Variants in TRAF3IP1 observed in about 807,000 individuals in gnomAD.
TRAF3IP1 encodes the protein intraflagellar transport 54.
In TRAF3IP1, 53 loss-of-function variants were observed where a neutral mutation model predicts 89.9. The observed-to-expected ratio is 0.59, with a 90% CI of 0.47 to 0.74. The LOEUF (loss-of-function observed/expected upper bound fraction) is 0.74. TRAF3IP1 is among the 30% of genes least tolerant of loss of function. The pLI, the probability that TRAF3IP1 is intolerant of heterozygous loss-of-function variation, is 0.00. For synonymous variants in TRAF3IP1, 311 were observed against 322.1 expected (o/e 0.97, Z 0.37); for missense variants, 806 against 866.1 (o/e 0.93, Z 0.87).
chr2:238,357,835 G>C (rs557643934), intron 15 of TRAF3IP1, among the ~76,000 whole-genome samples: 1 of 152,106 alleles, frequency 6.6e-6, no homozygotes. Context: ...TGATTTTTAC[G>C]CAAAGCATAT....
In TRAF3IP1 at chr2:238,398,839, GC is replaced by G; in HGVS notation, c.1997del (p.Ala666ValfsTer2). On this transcript the variant is annotated frameshift_variant, in exon 17 of 17. Coordinates refer to ENST00000373327, the MANE Select transcript of TRAF3IP1 (RefSeq NM_015650.4). LOFTEE classifies it high-confidence loss of function. ...LIKDQQDKIC[A>X]VKANILKNEE... ...CAAAGACCAGCAAGACAAGATCTGT[GC>G]TGTGAAGGCCAACATCCTCAAGAAT... is the stretch of plus-strand genomic sequence containing the variant. 6.2e-7 allele frequency: 1 copy of G among 1,613,656 alleles called. No individual in the cohort carries two copies. The highest frequency in any genetic ancestry group is 1.1e-5 in the South Asian group (1 of 91,012).
intron 6 of TRAF3IP1, among the ~76,000 whole-genome samples, chr2:238,333,393 A>G (rs1698223424): frequency 6.6e-6 from 1 of 152,132 alleles, no homozygotes; most frequent in Non-Finnish European, 1.5e-5. Flanking sequence ...AGTAGGGGCC[A>G]CTGAGAGGTT....
intron 8 of TRAF3IP1, among the ~76,000 whole-genome samples, chr2:238,340,755 C>T (rs528315009): frequency 1.3e-5 from 2 of 150,538 alleles, no homozygotes; most frequent in African/African-American, 2.5e-5. Flanking sequence ...TGCCCATATA[C>T]CTCTCACCCA....
chr2:238,363,465 A>C (rs990938763), intron 15 of TRAF3IP1, among the ~76,000 whole-genome samples: 1 of 152,206 alleles, frequency 6.6e-6, no homozygotes. Flanking sequence ...AGTTTTTTAC[A>C]CATAAAGATT....
chr2:238,334,335 T>G (rs1483684773), intron 7 of TRAF3IP1, among the ~76,000 whole-genome samples: 1 of 152,276 alleles, frequency 6.6e-6, no homozygotes, highest in Admixed American at 6.5e-5. Flanking sequence ...ATCAGCCATC[T>G]TCATTTCAGT....
At chr2:238,325,450 C>T (rs1268001756) in intron 2 of TRAF3IP1, 76 bp downstream of exon 2, 6 of 1,452,276 alleles carry the variant, frequency 4.1e-6, no homozygotes, top group African/African-American at 1.4e-5. Context: ...GGTAGTGTGG[C>T]TTGTGTCATT....
intron 15 of TRAF3IP1, among the ~76,000 whole-genome samples, chr2:238,386,145 A>G (rs909792859): frequency 6.6e-6 from 1 of 152,102 alleles, no homozygotes; most frequent in African/African-American, 2.4e-5. Context: ...TTGGCACTAG[A>G]AAAGTTTTGG....
In TRAF3IP1 at chr2:238,320,779, C is replaced by T. The variant is rs1467416546; in HGVS notation, c.117C>T (p.Ile39=). 1.4e-6 allele frequency: 2 copies of T among 1,418,578 alleles called. No homozygotes were observed. The highest frequency in any genetic ancestry group is 5.0e-5 in the Admixed American group (2 of 40,154). The allele number at this position is 1,418,578 out of a possible 1,614,324, so 87.9% of individuals were successfully genotyped here. A position where few individuals can be genotyped will look rare whatever the true frequency, so the allele number is the denominator to read the frequency against. The change falls in exon 1 of 17, where the codon ATC becomes ATT. Residue 39 remains isoleucine (I), a synonymous_variant. Transcript: ENST00000373327. ...CGTTCCGCTACCTGCACGACATCATCACGGAGGTGGGCGCCGGGGACCGGG... is the reference window on the plus strand; with the variant it reads ...CGTTCCGCTACCTGCACGACATCATTACGGAGGTGGGCGCCGGGGACCGGG... The part of the protein sequence containing the change: ...KPPFRYLHDI[I]TEVIRMTGFM...
intron 15 of TRAF3IP1, among the ~76,000 whole-genome samples, chr2:238,375,133 G>A (rs1332389801): frequency 6.6e-6 from 1 of 152,126 alleles, no homozygotes; most frequent in Non-Finnish European, 1.5e-5. Flanking sequence ...ATCTCCTTCA[G>A]TTCTGCCCTG....
chr2:238,368,444 A>G (rs1699975981), intron 15 of TRAF3IP1, among the ~76,000 whole-genome samples: 2 of 152,186 alleles, frequency 1.3e-5, no homozygotes, highest in African/African-American at 4.8e-5. Context: ...TCTTCTGGCC[A>G]GTAGACTTCC....
intron 7 of TRAF3IP1, among the ~76,000 whole-genome samples, chr2:238,336,901 T>C (rs150050350): frequency 1.3e-5 from 2 of 152,042 alleles, no homozygotes; most frequent in Non-Finnish European, 2.9e-5. Context: ...TGTTGAGAGT[T>C]GAAAGCTTTA....
chr2:238,338,402 C>CAT lies in TRAF3IP1; in HGVS notation c.1106_1107dup (p.Val370Ter). 6.3e-7 allele frequency: 1 copy of CAT among 1,599,552 alleles called. No individual in the cohort carries two copies. The highest frequency in any genetic ancestry group is 8.5e-7 in the Non-Finnish European group (1 of 1,173,466). On this transcript the variant is annotated frameshift_variant, in exon 8 of 17. Transcript: ENST00000373327. LOFTEE classifies it high-confidence loss of function. ...ATATTTCAGCTAAAAGTTTAGACTC[C>CAT]ATAGTGTCTGGAATAAATAATGAGC...
rs560016209 is a variant in TRAF3IP1, at chr2:238,338,362, G to A, written c.1064G>A (p.Gly355Glu). 6.1e-5 allele frequency: 94 copies of A among 1,531,570 alleles called. 1 individual carries two copies. In the Middle Eastern group the frequency reaches 1.9e-3, roughly 30 times the overall value. The allele number at this position is 1,531,570 out of a possible 1,614,324, so 94.9% of individuals were successfully genotyped here. A position where few individuals can be genotyped will look rare whatever the true frequency, so the allele number is the denominator to read the frequency against. Residue 355 changes from glycine (G) to glutamate (E), a missense_variant and splice_region_variant, in exon 8 of 17, where the codon GGA becomes GAA. Transcript: ENST00000373327. ...SKRRSKNSVE[G>E]RKEDNISAKS... ...TCTGTTGTTAACTATTTTATGTCAG[G>A]AAGGAAGGAGGATAATATTTCAGCT...
rs1373805145 is a variant in TRAF3IP1, at chr2:238,373,218, C to T, written c.1689+17138C>T. ...ATGAAGTCCTTGCCCATGCCTATGT[C>T]CTGAATGGTATTGCCTAGGTTTTCT... On this transcript the variant is annotated intron_variant, in intron 15 of 16. Coordinates refer to ENST00000373327, the MANE Select transcript of TRAF3IP1 (RefSeq NM_015650.4). Among the ~76,000 whole-genome samples the T allele has an allele frequency of 9.9e-5, 15 of 152,212 alleles. No individual in the cohort carries two copies. In the South Asian group the frequency reaches 2.1e-3, roughly 21 times the overall value.
intron 8 of TRAF3IP1, among the ~76,000 whole-genome samples, chr2:238,341,405 G>GCTTT (rs1698647012): frequency 6.6e-6 from 1 of 151,662 alleles, no homozygotes; most frequent in African/African-American, 2.4e-5. Flanking sequence ...TCGACATGCA[G>GCTTT]CTTTAAAAAA....
rs149229117 is a variant in TRAF3IP1 at position 238,365,345 on chromosome 2, T to C, written c.1689+9265T>C. On this transcript the variant is annotated intron_variant, in intron 15 of 16. Transcript: ENST00000373327. ...GATTTTTCCTTTGCTAGGAATATTG[T>C]TTCCATTGAAATTGTTGTTAAAGAA... Among the ~76,000 whole-genome samples the C allele has an allele frequency of 7.0e-3, 1,072 of 152,304 alleles. 11 individuals carry two copies. Among genetic ancestry groups the C allele is most frequent in the African/African-American group, 0.024 (988 of 41,552 alleles).
chr2:238,384,226 T>G (rs1290862059), intron 15 of TRAF3IP1, among the ~76,000 whole-genome samples: 1 of 152,164 alleles, frequency 6.6e-6, no homozygotes, highest in Non-Finnish European at 1.5e-5. Flanking sequence ...GGCTCTCACT[T>G]GTATGCTGCC....
intron 13 of TRAF3IP1, 38 bp downstream of exon 13, chr2:238,352,988 G>A: frequency 6.3e-7 from 1 of 1,583,684 alleles, no homozygotes; most frequent in Non-Finnish European, 8.6e-7. Flanking sequence ...TAATAATAAT[G>A]TTTTACCTTC....
Position 238,388,279 on chromosome 2 carries a change from GC to G in TRAF3IP1, c.1690-9179del, listed in dbSNP as rs1378987378. Among the ~76,000 whole-genome samples the G allele has an allele frequency of 2.0e-5, 3 of 151,144 alleles. No homozygotes were observed. The East Asian group carries it at 5.9e-4, about 30-fold the overall frequency. ...AATCCCAGCTACTCGGGAGGCTGAGGCAGGAGAATCACTTGAACTGGGGAGG... is the reference window on the plus strand; with the variant it reads ...AATCCCAGCTACTCGGGAGGCTGAGGAGGAGAATCACTTGAACTGGGGAGG... On this transcript the variant is annotated intron_variant, in intron 15 of 16. Transcript: ENST00000373327.
Sources: gnomAD v4.1 joint callset for allele counts (sites outside exome capture counted in the v4.1 genomes callset) on GRCh38, gnomAD v4.1.1 for gene constraint, MANE v1.5 for transcripts, NCBI Gene and HGNC (gene_info 2026-07-23, HGNC 2026-07-21) for gene names.